ARHGAP18: variants seen among roughly 807,000 people sequenced by gnomAD.
The protein encoded by ARHGAP18 is rho GTPase-activating protein 18.
Under a neutral mutation model 86.2 loss-of-function variants are expected in ARHGAP18, and 67 were observed. The observed-to-expected ratio is 0.78, with a 90% CI of 0.64 to 0.95. The LOEUF (loss-of-function observed/expected upper bound fraction) is 0.95. Among genes scored for constraint, ARHGAP18 ranks in the 40% least tolerant of loss-of-function variants. The pLI, the probability that ARHGAP18 is intolerant of heterozygous loss-of-function variation, is 0.00. For missense variants in ARHGAP18, 691 were observed against 780.4 expected (o/e 0.89, Z 1.37); for synonymous variants, 283 against 280.4 (o/e 1.01, Z -0.09).
At chr6:129,669,203 G>A (rs1381303365) in intron 1 of ARHGAP18, among the ~76,000 whole-genome samples, 1 of 149,318 alleles carries the variant, frequency 6.7e-6, no homozygotes, top group Non-Finnish European at 1.5e-5. Context: ...ACGGAGTCTC[G>A]CTCTCTCGCC....
chr6:129,659,570 T>C lies in ARHGAP18; in HGVS notation c.114-17552A>G, dbSNP rs142392084. Among the ~76,000 whole-genome samples, 316 of 152,236 alleles carry C rather than the reference T, an allele frequency of 2.1e-3. 2 individuals carry two copies. The highest frequency in any genetic ancestry group is 6.9e-3 in the African/African-American group (286 of 41,544). ...TCAACCTCCACCTCCTGGGTTCAAG[T>C]GATTCTCCTGCCTCAGCCTCTGTAG... On this transcript the variant is annotated intron_variant, in intron 1 of 14. Coordinates refer to ENST00000368149, the MANE Select transcript of ARHGAP18 (RefSeq NM_033515.3).
rs2114454586 is a variant in ARHGAP18 at position 129,605,882 on chromosome 6, G to A, written c.1360C>T (p.Leu454=). The A allele has an allele frequency of 6.2e-7, 1 of 1,613,040 alleles. No individual in the cohort carries two copies. The highest frequency in any genetic ancestry group is 1.1e-5 in the South Asian group (1 of 91,072). The stretch of plus-strand genomic sequence containing the variant: ...TGTAAATTAACCAAGCTGACCTTCA[G>A]TGTGTCCCTGTTTGCATCAGGTAGG... ...ILLPDANRDT[L]KALLEFLQRV... The change falls in exon 10 of 15, where the codon CTG becomes TTG. Residue 454 remains leucine, a synonymous_variant. Coordinates refer to ENST00000368149, the MANE Select transcript of ARHGAP18 (RefSeq NM_033515.3).
At chr6:129,617,217 C>T (rs1789116072) in intron 6 of ARHGAP18, among the ~76,000 whole-genome samples, 1 of 152,128 alleles carries the variant, frequency 6.6e-6, no homozygotes, top group Non-Finnish European at 1.5e-5. Context: ...AGCCTTGAGT[C>T]TGGTATGAAC....
chr6:129,626,931 T>C lies in ARHGAP18; in HGVS notation c.786+2422A>G, dbSNP rs1289110681. On this transcript the variant is annotated intron_variant, in intron 5 of 14. Transcript: ENST00000368149. Reference sequence around the variant, plus strand: ...GTCCTCTGAAAAGGCTCAAAAGTAATGACCAGCTCAGAGAAATGAACACTT... The same window carrying C: ...GTCCTCTGAAAAGGCTCAAAAGTAACGACCAGCTCAGAGAAATGAACACTT... Among the ~76,000 whole-genome samples, 4 of 152,182 alleles carry C rather than the reference T, an allele frequency of 2.6e-5. No individual in the cohort carries two copies. In the East Asian group the frequency reaches 7.7e-4, roughly 29 times the overall value.
chr6:129,598,370 A>G (rs1296440810), intron 12 of ARHGAP18, among the ~76,000 whole-genome samples: 1 of 152,204 alleles, frequency 6.6e-6, no homozygotes, highest in Non-Finnish European at 1.5e-5. Flanking sequence ...CTGGATCCAT[A>G]AGCAGGCCAA....
intron 1 of ARHGAP18, 81 bp from the exon 2 acceptor site, chr6:129,642,099 G>A: frequency 7.7e-7 from 1 of 1,292,964 alleles, no homozygotes; most frequent in Non-Finnish European, 1.1e-6. Context: ...GCAACAAGCT[G>A]GAGAATTTAT....
chr6:129,625,652 ATAT>A (rs1400605427), intron 5 of ARHGAP18, among the ~76,000 whole-genome samples: 2 of 77,910 alleles, frequency 2.6e-5, no homozygotes, highest in South Asian at 4.0e-4. Context: ...ATATATTTAT[ATAT>A]TATATATATT....
rs763420217 is a variant in ARHGAP18, at chr6:129,580,057, A to G, written c.1900+13T>C. The G allele has an allele frequency of 5.6e-6, 9 of 1,605,576 alleles. No individual in the cohort carries two copies. The South Asian group carries it at 8.8e-5, about 16-fold the overall frequency. ...ACAGCATATAAAATGTAAAGAGAAA[A>G]AAAAGTGCTTACCAATATTTCCTCC... On this transcript the variant is annotated intron_variant, in intron 14 of 14. Transcript: ENST00000368149.
chr6:129,642,357 T>A (rs1335324744), intron 1 of ARHGAP18, among the ~76,000 whole-genome samples: 1 of 152,124 alleles, frequency 6.6e-6, no homozygotes, highest in Non-Finnish European at 1.5e-5. Flanking sequence ...TGACCATAGC[T>A]CACTTTAATT....
At position 129,589,446 on chromosome 6, in the gene ARHGAP18, C is replaced by G. The variant is rs191178100; in HGVS notation, c.1714-5334G>C. ...AGTTCCTCATCTCCATCTGTGACCA[C>G]CTCAGCATGGACTTTTTTGTCCACA... On this transcript the variant is annotated intron_variant, in intron 12 of 14. Coordinates refer to ENST00000368149, the MANE Select transcript of ARHGAP18 (RefSeq NM_033515.3). Among the ~76,000 whole-genome samples, 24 of 152,284 alleles carry G rather than the reference C, an allele frequency of 1.6e-4. No homozygotes were observed. The East Asian group carries it at 4.6e-3, about 29-fold the overall frequency.
In ARHGAP18 at chr6:129,641,852, C is replaced by T. The variant is rs1260686659; in HGVS notation, c.280G>A (p.Glu94Lys). Reference protein sequence around the residue: ...NIKKSSENSQEDQEVVVVKEP... With the variant: ...NIKKSSENSQKDQEVVVVKEP... ...TTGACAACAACCACCTCTTGATCTT[C>T]TTGGCTGTTTTCACTAGATTTCTTG... is the stretch of plus-strand genomic sequence containing the variant. The change falls in exon 2 of 15, where the codon GAA becomes AAA. Residue 94 changes from glutamate to lysine, a missense_variant. Transcript: ENST00000368149. 1.2e-5 allele frequency: 20 copies of T among 1,613,892 alleles called. No individual in the cohort carries two copies. The highest frequency in any genetic ancestry group is 1.7e-5 in the Non-Finnish European group (20 of 1,179,908).
At chr6:129,654,703 G>A (rs117444301) in intron 1 of ARHGAP18, among the ~76,000 whole-genome samples, 2,318 of 152,246 alleles carry the variant, frequency 0.015, 22 homozygotes, top group Middle Eastern at 0.048. Context: ...AAGGACTTCC[G>A]CCTCTAGTCT....
At chr6:129,586,982 A>G (rs1045538310) in intron 12 of ARHGAP18, among the ~76,000 whole-genome samples, 1 of 152,156 alleles carries the variant, frequency 6.6e-6, no homozygotes, top group African/African-American at 2.4e-5. Context: ...ACTCTCCTTC[A>G]TAAGGGTCCT....
At chr6:129,688,035 GAA>G (rs746469848) in intron 1 of ARHGAP18, among the ~76,000 whole-genome samples, 1 of 152,198 alleles carries the variant, frequency 6.6e-6, no homozygotes, top group Non-Finnish European at 1.5e-5. Flanking sequence ...TGGGTATTCT[GAA>G]GAGTGGGCAG....
intron 13 of ARHGAP18, 44 bp from the exon 14 acceptor site, chr6:129,580,175 C>T (rs372963329): frequency 1.9e-6 from 3 of 1,544,744 alleles, no homozygotes; most frequent in Non-Finnish European, 2.7e-6. Context: ...CATCAAACAG[C>T]TTGCAAGTAA....
At chr6:129,646,715 C>G (rs1301040128) in intron 1 of ARHGAP18, among the ~76,000 whole-genome samples, 1 of 152,200 alleles carries the variant, frequency 6.6e-6, no homozygotes, top group Non-Finnish European at 1.5e-5. Flanking sequence ...ATTCTTACAT[C>G]TGCTTCTGCG....
chr6:129,658,523 T>C (rs550737134), intron 1 of ARHGAP18, among the ~76,000 whole-genome samples: 8 of 152,302 alleles, frequency 5.3e-5, no homozygotes, highest in African/African-American at 1.9e-4. Flanking sequence ...TGTATAATTT[T>C]AAATCAGCAA....
chr6:129,644,327 A>G (rs955491754), intron 1 of ARHGAP18, among the ~76,000 whole-genome samples: 3 of 151,922 alleles, frequency 2.0e-5, no homozygotes, highest in Non-Finnish European at 4.4e-5. Flanking sequence ...TAGAGTTTTC[A>G]CTCCTGATTC....
At chr6:129,637,432 AC>A (rs1773357243) in intron 3 of ARHGAP18, among the ~76,000 whole-genome samples, 2 of 152,142 alleles carry the variant, frequency 1.3e-5, no homozygotes, top group Non-Finnish European at 2.9e-5. Context: ...GCTTTTATTA[AC>A]AAGTTAATCA....
Sources: allele counts gnomAD v4.1 joint callset (sites outside exome capture counted in the v4.1 genomes callset), GRCh38; gene constraint gnomAD v4.1.1; transcripts MANE v1.5; gene names NCBI Gene and HGNC (gene_info 2026-07-23, HGNC 2026-07-21).